The following HEBP1 variants were observed in gnomAD, a reference collection of about 807,000 sequenced individuals.
HEBP1 encodes the protein heme binding protein 1, also known as heme-binding protein 1.
In HEBP1, 13 loss-of-function variants were observed where a neutral mutation model predicts 20.4. The observed-to-expected ratio is 0.64, with a 90% CI of 0.42 to 1.01. The LOEUF (loss-of-function observed/expected upper bound fraction) is 1.01, where lower values mean the gene tolerates loss of function less well. Ranked by LOEUF, HEBP1 falls within the 50% of genes least tolerant of loss-of-function variation. The pLI is 0.00. For synonymous variants in HEBP1, 92 were observed against 90.7 expected (o/e 1.01, Z -0.08); for missense variants, 241 against 247.3 (o/e 0.97, Z 0.17).
In HEBP1 at chr12:12,987,177, G is replaced by C. The variant is rs181284736; in HGVS notation, c.373C>G (p.Arg125Gly). The C allele has an allele frequency of 2.5e-6, 4 of 1,613,904 alleles. No individual in the cohort carries two copies. The African/African-American group carries it at 4.0e-5, about 16-fold the overall frequency. The change falls in exon 3 of 4, where the codon CGG (arginine) becomes GGG (glycine). Residue 125 changes from arginine (R) to glycine (G), a missense_variant. By Grantham distance (125) the Arg-to-Gly change is moderately radical. Transcript: ENST00000014930. ...ATGGAATAGACAGTGATGCCTTCCC[G>C]TTCCTCAATCTTAACGCTTTTGTCA... ...PSDKSVKIEE[R>G]EGITVYSMQF... is the part of the protein sequence containing the mutation.
chr12:12,988,597 GA>G (rs1864180756), intron 2 of HEBP1, among the ~76,000 whole-genome samples: 1 of 151,972 alleles, frequency 6.6e-6, no homozygotes, highest in Admixed American at 6.5e-5. Context: ...CTTGCTTTCT[GA>G]CCCATTTTTG....
chr12:12,979,484 A>T (rs1203487123), intron 3 of HEBP1: 2 of 152,422 alleles, frequency 1.3e-5, no homozygotes. Context: ...CTGGTGTATG[A>T]AGGGAGCCTA....
intron 1 of HEBP1, among the ~76,000 whole-genome samples, chr12:12,995,917 C>G (rs936076532): frequency 9.2e-5 from 14 of 152,180 alleles, no homozygotes; most frequent in African/African-American, 2.9e-4. Context: ...GAACCTTGGT[C>G]AAGTTCAAGT....
intron 1 of HEBP1, among the ~76,000 whole-genome samples, chr12:12,995,019 A>G (rs1403577860): frequency 6.6e-6 from 1 of 152,102 alleles, no homozygotes; most frequent in Non-Finnish European, 1.5e-5. Context: ...TGCCAGCCAC[A>G]CTCACAGCAC....
rs1555114947 is a variant in HEBP1, at chr12:12,987,612, T to TTTCTCTCTCTC, written c.218-281_218-280insGAGAGAGAGAA. Among the ~76,000 whole-genome samples, 8 of 117,786 alleles carry TTTCTCTCTCTC rather than the reference T, an allele frequency of 6.8e-5. 1 individual carries two copies. Among genetic ancestry groups the TTTCTCTCTCTC allele is most frequent in the South Asian group, 2.7e-4 (1 of 3,680 alleles). The allele number at this position is 117,786 out of a possible 152,430, so 77.3% of individuals were successfully genotyped here. ...TCTTTCTCTCTCTCTCTCTCTCTCT[T>TTTCTCTCTCTC]TCTCTCTCTCTCTCTCTCTCTCTTT... is the stretch of plus-strand genomic sequence containing the variant. On this transcript the variant is annotated intron_variant, in intron 2 of 3. Coordinates refer to ENST00000014930, the MANE Select transcript of HEBP1 (RefSeq NM_015987.5).
intron 3 of HEBP1, among the ~76,000 whole-genome samples, chr12:12,984,917 C>A (rs185778583): frequency 6.6e-6 from 1 of 152,052 alleles, no homozygotes; most frequent in African/African-American, 2.4e-5. Context: ...TTTGGGAGGC[C>A]GAGGCAGGTG....
Position 12,975,316 on chromosome 12 carries a change from T to G in HEBP1, c.562A>C (p.Lys188Gln), listed in dbSNP as rs748139218. ...TTGGTTCAGTGGGTCACTCATGTCT[T>G]CAACAGCCAGATCTCATTGCGCCGT... ...YGRRNEIWLL[K>Q]T Residue 188 changes from lysine (K) to glutamine (Q), a missense_variant, in exon 4 of 4, where the codon AAG (lysine) becomes CAG (glutamine). Coordinates refer to ENST00000014930, the MANE Select transcript of HEBP1 (RefSeq NM_015987.5). 30 of 1,613,614 alleles carry G rather than the reference T, an allele frequency of 1.9e-5. No homozygotes were observed. Among genetic ancestry groups the G allele is most frequent in the Admixed American group, 6.7e-5 (4 of 59,972 alleles).
chr12:12,990,384 T>C (rs566490141), intron 1 of HEBP1, among the ~76,000 whole-genome samples: 9 of 151,354 alleles, frequency 5.9e-5, no homozygotes, highest in Non-Finnish European at 1.2e-4. Context: ...CCCTATGTTG[T>C]ACAGGCTGGT....
intron 1 of HEBP1, among the ~76,000 whole-genome samples, chr12:12,994,642 A>ACCT (rs767792617): frequency 6.6e-5 from 10 of 151,650 alleles, no homozygotes; most frequent in Non-Finnish European, 1.3e-4. Context: ...CAACTTCACC[A>ACCT]CCTCCTCCTC....
intron 1 of HEBP1, among the ~76,000 whole-genome samples, chr12:12,992,499 C>T (rs1322533035): frequency 2.6e-5 from 4 of 152,062 alleles, no homozygotes; most frequent in Admixed American, 6.6e-5. Flanking sequence ...CCACTGTGCC[C>T]GGCCTTAATA....
intron 2 of HEBP1, 90 bp from the exon 3 acceptor site, chr12:12,987,422 A>G: frequency 1.0e-6 from 1 of 998,568 alleles, no homozygotes; most frequent in South Asian, 1.7e-5. Flanking sequence ...TTCGTCTTTC[A>G]AAGTGGTATG....
intron 3 of HEBP1, 95 bp from the exon 4 acceptor site, chr12:12,975,574 A>G (rs1350599082): frequency 1.8e-6 from 2 of 1,097,974 alleles, no homozygotes; most frequent in African/African-American, 3.2e-5. Flanking sequence ...GTTTATTATG[A>G]CAAGCATGCT....
intron 2 of HEBP1, 69 bp from the exon 3 acceptor site, chr12:12,987,401 C>T: frequency 1.7e-6 from 2 of 1,176,638 alleles, no homozygotes; most frequent in South Asian, 1.5e-5. Flanking sequence ...GTGGAAGACA[C>T]ATTAGTTCCA....
Position 12,989,268 on chromosome 12 carries a change from G to T in HEBP1, c.217+9C>A. The T allele has an allele frequency of 1.9e-6, 3 of 1,613,704 alleles. No individual in the cohort carries two copies. Among genetic ancestry groups the T allele is most frequent in the Non-Finnish European group, 2.5e-6 (3 of 1,179,958 alleles). On this transcript the variant is annotated intron_variant, in intron 2 of 3. Coordinates refer to ENST00000014930, the MANE Select transcript of HEBP1 (RefSeq NM_015987.5). The stretch of plus-strand genomic sequence containing the variant: ...CGAGACCAGAGCCACATCCTGCAGG[G>T]GTACTCACCCTTGTCATTGGTGCCC...
At position 12,989,389 on chromosome 12, in the gene HEBP1, G is replaced by A. The variant is rs761905397; in HGVS notation, c.105C>T (p.Ala35=). The A allele has an allele frequency of 6.2e-7, 1 of 1,614,176 alleles. No individual in the cohort carries two copies. The highest frequency in any genetic ancestry group is 1.1e-5 in the South Asian group (1 of 91,082). The change falls in exon 2 of 4, where the codon GCC becomes GCT. Residue 35 remains alanine (A), a synonymous_variant. Transcript: ENST00000014930. ...DKEEVAYEER[A]CEGGKFATVE... Reference sequence around the variant, plus strand: ...CTGTGGCAAATTTGCCGCCTTCACAGGCCCTTTCTTCATAGGCAACTTCTT... The same window carrying A: ...CTGTGGCAAATTTGCCGCCTTCACAAGCCCTTTCTTCATAGGCAACTTCTT...
chr12:12,980,799 C>T (rs1479064345), intron 3 of HEBP1, among the ~76,000 whole-genome samples: 1 of 152,200 alleles, frequency 6.6e-6, no homozygotes, highest in South Asian at 2.1e-4. Context: ...GCTTTACTGC[C>T]TGGTCAAACA....
At chr12:12,989,193 C>A in intron 2 of HEBP1, 84 bp downstream of exon 2, 1 of 1,454,458 alleles carries the variant, frequency 6.9e-7, no homozygotes, top group Non-Finnish European at 9.6e-7. Context: ...CCTTGTAGCC[C>A]CTCACTTGCA....
chr12:12,975,485 G>C lies in HEBP1; in HGVS notation c.399-6C>G, dbSNP rs745920662. 2 of 1,600,162 alleles carry C rather than the reference G, an allele frequency of 1.2e-6. No homozygotes were observed. The highest frequency in any genetic ancestry group is 3.6e-5 in the Admixed American group (2 of 56,274). On this transcript the variant is annotated splice_polypyrimidine_tract_variant and splice_region_variant and intron_variant, in intron 3 of 3. Coordinates refer to ENST00000014930, the MANE Select transcript of HEBP1 (RefSeq NM_015987.5). Reference sequence around the variant, plus strand: ...TGGCATAACCACCAAACTGCCTGGGGGTTCAAGAGCAAGGGCTGGTTACGA... The same window carrying C: ...TGGCATAACCACCAAACTGCCTGGGCGTTCAAGAGCAAGGGCTGGTTACGA...
chr12:12,982,538 A>C (rs1289194259), intron 3 of HEBP1, among the ~76,000 whole-genome samples: 1 of 152,204 alleles, frequency 6.6e-6, no homozygotes, highest in Non-Finnish European at 1.5e-5. Flanking sequence ...TCTAGGCGGA[A>C]CTTCCCAAGC....
Sources: gnomAD v4.1 joint callset for allele counts (sites outside exome capture counted in the v4.1 genomes callset) on GRCh38, gnomAD v4.1.1 for gene constraint, MANE v1.5 for transcripts, NCBI Gene and HGNC (gene_info 2026-07-23, HGNC 2026-07-21) for gene names.